PRKCB: variants seen among roughly 807,000 people sequenced by gnomAD.
PRKCB encodes protein kinase C beta, also known as protein kinase C beta type.
Under a neutral mutation model 81.5 loss-of-function variants are expected in PRKCB, and 13 were observed. The ratio of observed to expected loss-of-function variants is 0.16; its 90% CI spans 0.10 to 0.25. PRKCB has a LOEUF of 0.25. Ranked by LOEUF, PRKCB falls within the 10% of genes least tolerant of loss-of-function variation. The pLI, the probability that PRKCB is intolerant of heterozygous loss-of-function variation, is 1.00. For missense variants in PRKCB, 509 were observed against 875.7 expected, an observed-to-expected ratio of 0.58 and a Z score of 5.29; for synonymous variants, 335 against 321.4, an observed-to-expected ratio of 1.04 and a Z score of -0.45.
At chr16:24,117,921 TC>T (rs1238997352) in intron 8 of PRKCB, among the ~76,000 whole-genome samples, 1 of 152,180 alleles carries the variant, frequency 6.6e-6, no homozygotes, top group African/African-American at 2.4e-5. Context: ...TAAGGGCTGC[TC>T]CCAGGGAAAT....
Position 24,190,301 on chromosome 16 carries a change from A to G in PRKCB, c.1723-789A>G, listed in dbSNP as rs545906089. Among the ~76,000 whole-genome samples, 3 of 152,274 alleles carry G rather than the reference A, an allele frequency of 2.0e-5. No individual in the cohort carries two copies. The East Asian group carries it at 5.8e-4, about 29-fold the overall frequency. On this transcript the variant is annotated intron_variant, in intron 15 of 16. Transcript: ENST00000643927. ...GTTTTGTCATTTTTGCAAGTGCTTT[A>G]CTGAGAAATGCAAATGGTATCTGAA... is the stretch of plus-strand genomic sequence containing the variant.
chr16:24,197,468 A>G (rs118169450), intron 16 of PRKCB, among the ~76,000 whole-genome samples: 1 of 152,140 alleles, frequency 6.6e-6, no homozygotes, highest in Admixed American at 6.6e-5. Context: ...CAAGGAGTGC[A>G]GGTGCCTGAG....
chr16:24,020,974 CTTTTTCTTTCTTTCTTTCTT>C (rs1313108043), intron 3 of PRKCB, among the ~76,000 whole-genome samples: 17 of 96,442 alleles, frequency 1.8e-4, no homozygotes, highest in Admixed American at 3.3e-4. Context: ...AGAGACTTTT[CTTTTTCTTTCTTTCTTTCTT>C]TCTTTCTTTC....
chr16:24,072,085 C>G (rs537012732), intron 5 of PRKCB, among the ~76,000 whole-genome samples: 1 of 148,752 alleles, frequency 6.7e-6, no homozygotes, highest in East Asian at 2.1e-4. Flanking sequence ...ATTCACATGA[C>G]TTAAAATGAT....
intron 10 of PRKCB, among the ~76,000 whole-genome samples, chr16:24,157,171 C>T (rs1258501927): frequency 6.6e-6 from 1 of 152,088 alleles, no homozygotes; most frequent in African/African-American, 2.4e-5. Context: ...AAGTCTGGGT[C>T]CCCTCCAGGG....
intron 7 of PRKCB, among the ~76,000 whole-genome samples, chr16:24,095,127 G>A (rs1363990299): frequency 6.6e-6 from 1 of 152,142 alleles, no homozygotes; most frequent in African/African-American, 2.4e-5. Flanking sequence ...ACTACATGAT[G>A]AGACTGTAAC....
At chr16:23,936,579 A>ATTTTTTTTTTTTTTTTTTTTT (rs57643578) in intron 2 of PRKCB, among the ~76,000 whole-genome samples, 2 of 96,042 alleles carry the variant, frequency 2.1e-5, no homozygotes, top group Non-Finnish European at 1.9e-5. Flanking sequence ...CACCCAACTA[A>ATTTTTTTTTTTTTTTTTTTTT]TTTTTTTTTT....
chr16:23,912,507 C>CTTTTTTTTTTTTTTTTTTTTTTTTT (rs1210105406), intron 2 of PRKCB, among the ~76,000 whole-genome samples: 1 of 72,078 alleles, frequency 1.4e-5, no homozygotes, highest in Non-Finnish European at 2.4e-5. Flanking sequence ...TTTCTTTCTT[C>CTTTTTTTTTTTTTTTTTTTTTTTTT]TTTTTTTTTT....
intron 5 of PRKCB, among the ~76,000 whole-genome samples, chr16:24,073,705 C>T (rs941840886): frequency 1.3e-5 from 2 of 152,154 alleles, no homozygotes; most frequent in Non-Finnish European, 2.9e-5. Flanking sequence ...TTTAACACCT[C>T]GATAAACGAT....
intron 5 of PRKCB, among the ~76,000 whole-genome samples, chr16:24,080,908 TA>T (rs1966240894): frequency 6.6e-6 from 1 of 152,180 alleles, no homozygotes; most frequent in African/African-American, 2.4e-5. Flanking sequence ...CTGATTCTCC[TA>T]AAAAGTAGAT....
intron 3 of PRKCB, among the ~76,000 whole-genome samples, chr16:24,012,239 T>A (rs1410627165): frequency 6.6e-6 from 1 of 152,248 alleles, no homozygotes; most frequent in African/African-American, 2.4e-5. Flanking sequence ...CACGTGCTGT[T>A]CTAAGTGATT....
chr16:24,108,068 G>T (rs1966600350), intron 7 of PRKCB, among the ~76,000 whole-genome samples: 1 of 152,122 alleles, frequency 6.6e-6, no homozygotes, highest in South Asian at 2.1e-4. Flanking sequence ...ATTAAAAAGG[G>T]GCAGGGGCAG....
intron 5 of PRKCB, among the ~76,000 whole-genome samples, chr16:24,052,071 T>C (rs933571733): frequency 4.8e-5 from 7 of 146,428 alleles, no homozygotes; most frequent in African/African-American, 1.6e-4. Flanking sequence ...CGAGACTCCG[T>C]CTCAAAAAAA....
chr16:24,117,769 C>T (rs1966751453), intron 8 of PRKCB, among the ~76,000 whole-genome samples: 1 of 152,158 alleles, frequency 6.6e-6, no homozygotes, highest in Non-Finnish European at 1.5e-5. Context: ...TAAGTATTAT[C>T]AAGCAGACTA....
At position 24,015,167 on chromosome 16, in the gene PRKCB, C is replaced by T. The variant is rs911793912; in HGVS notation, c.289-16969C>T. Among the ~76,000 whole-genome samples, 22 of 152,160 alleles carry T rather than the reference C, an allele frequency of 1.4e-4. 1 individual carries two copies. The highest frequency in any genetic ancestry group is 1.2e-3 in the Admixed American group (18 of 15,270). On this transcript the variant is annotated intron_variant, in intron 3 of 16. Coordinates refer to ENST00000643927, the MANE Select transcript of PRKCB (RefSeq NM_002738.7). Reference sequence around the variant, plus strand: ...GTTGGGTAACCTGTCCAAAGTCACACAGCTGGGAGGTCATTGAGTTGGGAG... The same window carrying T: ...GTTGGGTAACCTGTCCAAAGTCACATAGCTGGGAGGTCATTGAGTTGGGAG...
intron 7 of PRKCB, among the ~76,000 whole-genome samples, chr16:24,110,505 C>T (rs1010415553): frequency 2.1e-5 from 3 of 139,886 alleles, no homozygotes; most frequent in African/African-American, 8.5e-5. Context: ...GCCACCATGC[C>T]CAACCTTTTT....
At chr16:24,050,899 G>A (rs966938276) in intron 5 of PRKCB, among the ~76,000 whole-genome samples, 1 of 151,886 alleles carries the variant, frequency 6.6e-6, no homozygotes. Flanking sequence ...TATCACATCG[G>A]GTGCTGCTAG....
At chr16:24,101,995 C>T (rs1966514482) in intron 7 of PRKCB, among the ~76,000 whole-genome samples, 1 of 152,210 alleles carries the variant, frequency 6.6e-6, no homozygotes, top group South Asian at 2.1e-4. Context: ...AGCAACGGTG[C>T]TGGGTTCAGG....
At chr16:24,152,512 C>A (rs1329809970) in intron 9 of PRKCB, among the ~76,000 whole-genome samples, 1 of 152,154 alleles carries the variant, frequency 6.6e-6, no homozygotes, top group African/African-American at 2.4e-5. Context: ...GAGAACTCTT[C>A]TTCTTTCCAT....
Sources: allele counts gnomAD v4.1 joint callset (sites outside exome capture counted in the v4.1 genomes callset), GRCh38; gene constraint gnomAD v4.1.1; transcripts MANE v1.5; gene names NCBI Gene and HGNC (gene_info 2026-07-23, HGNC 2026-07-21).